RCAN1: variants seen among roughly 807,000 people sequenced by gnomAD.
RCAN1 encodes the protein regulator of calcineurin 1.
A neutral mutation model predicts 22.9 loss-of-function variants in RCAN1; 11 were observed. The observed-to-expected ratio is 0.48, with a 90% CI of 0.30 to 0.79. The LOEUF (loss-of-function observed/expected upper bound fraction) is 0.79. Ranked by LOEUF, RCAN1 falls within the 30% of genes least tolerant of loss-of-function variation. RCAN1 has a pLI of 0.06. For synonymous variants in RCAN1, 136 were observed against 142.3 expected (o/e 0.96, Z 0.32); for missense variants, 291 against 337.8 (o/e 0.86, Z 1.09).
chr21:34,561,305 C>T (rs780977643), intron 1 of RCAN1, among the ~76,000 whole-genome samples: 43 of 152,138 alleles, frequency 2.8e-4, no homozygotes, highest in Non-Finnish European at 1.5e-4. Context: ...AGAGTAAATA[C>T]GGGATAAAAG....
At chr21:34,527,445 A>G (rs749460066) in intron 1 of RCAN1, among the ~76,000 whole-genome samples, 4 of 152,240 alleles carry the variant, frequency 2.6e-5, no homozygotes, top group Non-Finnish European at 4.4e-5. Context: ...TTTTTTCCCC[A>G]GTGACATTTT....
chr21:34,539,166 T>G (rs912970256), intron 1 of RCAN1, among the ~76,000 whole-genome samples: 2 of 152,214 alleles, frequency 1.3e-5, no homozygotes, highest in Non-Finnish European at 2.9e-5. Context: ...CTCCTAGGAA[T>G]TTATTCTAAA....
At chr21:34,526,241 C>T (rs1242532419) in intron 1 of RCAN1, among the ~76,000 whole-genome samples, 2 of 152,134 alleles carry the variant, frequency 1.3e-5, no homozygotes, top group African/African-American at 2.4e-5. Context: ...GAGGCCAGGC[C>T]CTCATAATTA....
chr21:34,525,532 C>A, intron 1 of RCAN1: 1 of 620,580 alleles, frequency 1.6e-6, no homozygotes. Context: ...CTGTGACCCA[C>A]TGTTTAGTTT....
At chr21:34,569,134 T>C (rs577800942) in intron 1 of RCAN1, among the ~76,000 whole-genome samples, 1 of 152,278 alleles carries the variant, frequency 6.6e-6, no homozygotes, top group Admixed American at 6.5e-5. Flanking sequence ...ATAGGAGATT[T>C]GAGTGGGGAC....
At chr21:34,555,554 A>T (rs1386976235) in intron 1 of RCAN1, among the ~76,000 whole-genome samples, 2 of 149,956 alleles carry the variant, frequency 1.3e-5, no homozygotes, top group Admixed American at 1.3e-4. Context: ...GCCTGGCGAC[A>T]GAGCAAGGCT....
intron 1 of RCAN1, among the ~76,000 whole-genome samples, chr21:34,541,802 C>T (rs554124083): frequency 5.9e-5 from 9 of 152,102 alleles, no homozygotes; most frequent in East Asian, 3.9e-4. Context: ...GGCGTGGTGG[C>T]GGGTGCCTGT....
intron 1 of RCAN1, among the ~76,000 whole-genome samples, chr21:34,525,993 A>G (rs1985021171): frequency 2.0e-5 from 3 of 152,182 alleles, no homozygotes. Flanking sequence ...CCTCAAATAG[A>G]GCATACAGGA....
intron 1 of RCAN1, among the ~76,000 whole-genome samples, chr21:34,533,081 C>T (rs923522635): frequency 6.6e-6 from 1 of 151,528 alleles, no homozygotes; most frequent in Non-Finnish European, 1.5e-5. Context: ...CTGCCTCAGC[C>T]TCCCGAGTAG....
At chr21:34,587,418 C>G (rs1312712755) in intron 1 of RCAN1, among the ~76,000 whole-genome samples, 1 of 151,914 alleles carries the variant, frequency 6.6e-6, no homozygotes, top group Non-Finnish European at 1.5e-5. Context: ...AAGGAGGGGC[C>G]CTTTCTACTT....
chr21:34,525,339 T>A, intron 1 of RCAN1: 4 of 1,498,736 alleles, frequency 2.7e-6, no homozygotes, highest in Non-Finnish European at 3.6e-6. Flanking sequence ...TTAGGGACAT[T>A]TCTGAGACTT....
At chr21:34,611,672 T>C (rs1030622191) in intron 1 of RCAN1, among the ~76,000 whole-genome samples, 1 of 152,190 alleles carries the variant, frequency 6.6e-6, no homozygotes, top group African/African-American at 2.4e-5. Context: ...CAGTTAATGA[T>C]CTGTTTACAC....
rs776322839 is a variant in RCAN1 at position 34,538,054 on chromosome 21, C to T, written c.253-14344G>A. Among the ~76,000 whole-genome samples, 8 of 152,162 alleles carry T rather than the reference C, an allele frequency of 5.3e-5. 1 individual carries two copies. The highest frequency in any genetic ancestry group is 1.2e-4 in the Non-Finnish European group (8 of 68,036). On this transcript the variant is annotated intron_variant, in intron 1 of 3. Transcript: ENST00000313806. ...AGCAATTATTAAGAAATGATTGGGC[C>T]ATGTCAGAGGAAGACAGAGGAAGAA...
chr21:34,569,400 TTTTTC>T (rs1987155204), intron 1 of RCAN1, among the ~76,000 whole-genome samples: 1 of 152,192 alleles, frequency 6.6e-6, no homozygotes, highest in African/African-American at 2.4e-5. Flanking sequence ...AATAAGAGCT[TTTTTC>T]TTTTATCTCA....
chr21:34,613,064 C>T (rs1275320987), intron 1 of RCAN1, among the ~76,000 whole-genome samples: 1 of 152,216 alleles, frequency 6.6e-6, no homozygotes, highest in Non-Finnish European at 1.5e-5. Context: ...ATGTTCCCTG[C>T]TTTATCCTCT....
At chr21:34,576,732 G>C (rs1431629936) in intron 1 of RCAN1, among the ~76,000 whole-genome samples, 3 of 152,196 alleles carry the variant, frequency 2.0e-5, no homozygotes, top group African/African-American at 7.2e-5. Context: ...TCACCGCTCA[G>C]CAAGAAATCT....
chr21:34,608,956 T>C (rs542379448), intron 1 of RCAN1, among the ~76,000 whole-genome samples: 1 of 152,298 alleles, frequency 6.6e-6, no homozygotes, highest in South Asian at 2.1e-4. Flanking sequence ...CATGTAGACT[T>C]CACTGGGGAA....
intron 1 of RCAN1, among the ~76,000 whole-genome samples, chr21:34,534,055 G>T (rs1291746349): frequency 6.6e-6 from 1 of 152,164 alleles, no homozygotes; most frequent in African/African-American, 2.4e-5. Flanking sequence ...GCCATAAGGG[G>T]GTTTGAGCAA....
At chr21:34,595,936 C>G (rs890923779) in intron 1 of RCAN1, among the ~76,000 whole-genome samples, 1 of 152,244 alleles carries the variant, frequency 6.6e-6, no homozygotes, top group Non-Finnish European at 1.5e-5. Context: ...GCAGGCCAAG[C>G]TCCCCAGATA....
Sources: allele counts gnomAD v4.1 joint callset (sites outside exome capture counted in the v4.1 genomes callset), GRCh38; gene constraint gnomAD v4.1.1; transcripts MANE v1.5; gene names NCBI Gene and HGNC (gene_info 2026-07-23, HGNC 2026-07-21).